Variants in TMC7 observed in about 807,000 individuals in gnomAD.
The protein encoded by TMC7 is transmembrane channel-like protein 7.
Under a neutral mutation model 82.9 loss-of-function variants are expected in TMC7, and 54 were observed. That is an observed-to-expected ratio of 0.65 (90% confidence interval 0.52 to 0.82). The LOEUF is 0.82. Ranked by LOEUF, TMC7 falls within the 40% of genes least tolerant of loss-of-function variation. TMC7 has a pLI of 0.00. For missense variants in TMC7, 820 were observed against 901.2 expected, an observed-to-expected ratio of 0.91 and a Z score of 1.15; for synonymous variants, 350 against 337.9, an observed-to-expected ratio of 1.04 and a Z score of -0.39.
chr16:18,993,997 G>A (rs2038995013), intron 1 of TMC7, among the ~76,000 whole-genome samples: 1 of 152,086 alleles, frequency 6.6e-6, no homozygotes, highest in Non-Finnish European at 1.5e-5. Context: ...GTAAGGAACA[G>A]GAAAGAAAGA....
chr16:19,024,184 A>G (rs1960116802), intron 5 of TMC7, among the ~76,000 whole-genome samples: 1 of 152,130 alleles, frequency 6.6e-6, no homozygotes, highest in South Asian at 2.1e-4. Flanking sequence ...TAACCCCAAC[A>G]CTTTGAGAGG....
At chr16:19,049,243 C>T (rs192511288) in intron 12 of TMC7, among the ~76,000 whole-genome samples, 2 of 152,110 alleles carry the variant, frequency 1.3e-5, no homozygotes, top group East Asian at 3.9e-4. Context: ...AGGCTGGTCT[C>T]CAACTCCTGG....
intron 11 of TMC7, 21 bp from the exon 12 acceptor site, chr16:19,047,042 A>C: frequency 6.3e-7 from 1 of 1,585,750 alleles, no homozygotes; most frequent in East Asian, 2.2e-5. Flanking sequence ...AGTAGCCCAA[A>C]TGAGAATTGT....
At chr16:19,047,305 G>C in intron 12 of TMC7, 56 bp downstream of exon 12, 1 of 1,525,388 alleles carries the variant, frequency 6.6e-7, no homozygotes, top group Admixed American at 1.8e-5. Flanking sequence ...GACCTTCCAG[G>C]GCACCAATAT....
chr16:19,038,568 G>A (rs1207603528), intron 8 of TMC7, among the ~76,000 whole-genome samples: 1 of 151,598 alleles, frequency 6.6e-6, no homozygotes, highest in Non-Finnish European at 1.5e-5. Context: ...TCAGGCTGAA[G>A]TGTGGTGGTG....
rs193244183 is a variant in TMC7, at chr16:19,042,606, C to T, written c.1337+2160C>T. Reference sequence around the variant, plus strand: ...CACTGCAAGCTCCGCCTCCCGGGTTCACGCCATTCTTCTGCCTCAGCCTCC... The same window carrying T: ...CACTGCAAGCTCCGCCTCCCGGGTTTACGCCATTCTTCTGCCTCAGCCTCC... On this transcript the variant is annotated intron_variant, in intron 9 of 15. Coordinates refer to ENST00000304381, the MANE Select transcript of TMC7 (RefSeq NM_024847.4). 5.2e-3 allele frequency among the ~76,000 whole-genome samples: 793 copies of T among 151,600 alleles called. 2 individuals are homozygous for T. Among genetic ancestry groups the T allele is most frequent in the Non-Finnish European group, 7.3e-3 (493 of 67,926 alleles).
chr16:19,050,109 T>C (rs913234961), intron 12 of TMC7, among the ~76,000 whole-genome samples: 2 of 151,970 alleles, frequency 1.3e-5, no homozygotes, highest in Non-Finnish European at 2.9e-5. Flanking sequence ...CGGTGGCTCA[T>C]GCCTGTAATC....
Position 19,044,871 on chromosome 16 carries a change from T to C in TMC7, c.1338-13T>C. 6.2e-7 allele frequency: 1 copy of C among 1,607,952 alleles called. No individual in the cohort carries two copies. On this transcript the variant is annotated splice_polypyrimidine_tract_variant and intron_variant, in intron 9 of 15. Coordinates refer to ENST00000304381, the MANE Select transcript of TMC7 (RefSeq NM_024847.4). ...GCCTCATCTTCCCATCCTCTCTCCT[T>C]CTCTCCCCGAAGGTGTGTCTTTATG...
At chr16:18,984,185 C>A in intron 1 of TMC7, 55 bp downstream of exon 1, 1 of 1,435,916 alleles carries the variant, frequency 7.0e-7, no homozygotes, top group Non-Finnish European at 9.1e-7. Context: ...CGAGGGCGCA[C>A]GGAGGGAGCC....
At chr16:19,059,346 G>T in intron 14 of TMC7, 70 bp from the exon 15 acceptor site, 7 of 1,573,444 alleles carry the variant, frequency 4.4e-6, no homozygotes, top group Non-Finnish European at 6.0e-6. Context: ...GGAAAAATAT[G>T]TTGGGTTATT....
intron 5 of TMC7, among the ~76,000 whole-genome samples, chr16:19,024,137 A>G (rs1183192028): frequency 6.6e-6 from 1 of 152,220 alleles, no homozygotes; most frequent in Admixed American, 6.5e-5. Context: ...CGCCTTCTAA[A>G]GAAATGATTT....
chr16:19,033,001 T>C (rs996375752), intron 6 of TMC7, among the ~76,000 whole-genome samples: 4 of 152,120 alleles, frequency 2.6e-5, no homozygotes, highest in Admixed American at 6.6e-5. Context: ...TTGATTGCTT[T>C]CTGGGGAAGG....
chr16:19,043,582 A>T (rs746898143), intron 9 of TMC7, among the ~76,000 whole-genome samples: 1 of 151,862 alleles, frequency 6.6e-6, no homozygotes, highest in Non-Finnish European at 1.5e-5. Flanking sequence ...TTATTTATTT[A>T]TTTCTGAGAT....
At chr16:19,052,950 T>G (rs1654486622) in intron 13 of TMC7, among the ~76,000 whole-genome samples, 1 of 152,236 alleles carries the variant, frequency 6.6e-6, no homozygotes, top group Non-Finnish European at 1.5e-5. Flanking sequence ...TGATCTCAAA[T>G]GATCCACCCA....
At chr16:19,021,902 G>C in intron 4 of TMC7, 106 bp downstream of exon 4, 2 of 1,343,156 alleles carry the variant, frequency 1.5e-6, no homozygotes, top group Non-Finnish European at 2.0e-6. Flanking sequence ...TTGGGCGACT[G>C]TATTAGTCAG....
chr16:18,990,266 C>T (rs543946454), intron 1 of TMC7, among the ~76,000 whole-genome samples: 69 of 152,238 alleles, frequency 4.5e-4, no homozygotes, highest in African/African-American at 1.6e-3. Flanking sequence ...TTTTGTGGAT[C>T]TTCAGTTACT....
intron 1 of TMC7, among the ~76,000 whole-genome samples, chr16:18,989,817 C>T (rs1410686730): frequency 8.6e-5 from 13 of 151,450 alleles, no homozygotes; most frequent in Admixed American, 7.2e-4. Context: ...CGGGGGGAGG[C>T]GACTCCTTTT....
chr16:19,010,483 T>C (rs1959262518), intron 2 of TMC7, among the ~76,000 whole-genome samples: 1 of 152,084 alleles, frequency 6.6e-6, no homozygotes, highest in South Asian at 2.1e-4. Flanking sequence ...CATAAAGTAC[T>C]AGGTTCAGGT....
chr16:19,055,842 G>A (rs1253837994), intron 13 of TMC7, among the ~76,000 whole-genome samples: 1 of 152,108 alleles, frequency 6.6e-6, no homozygotes, highest in South Asian at 2.1e-4. Context: ...CCCAGCATAC[G>A]TTAGCTATTT....
Sources: allele counts gnomAD v4.1 joint callset (sites outside exome capture counted in the v4.1 genomes callset), GRCh38; gene constraint gnomAD v4.1.1; transcripts MANE v1.5; gene names NCBI Gene and HGNC (gene_info 2026-07-23, HGNC 2026-07-21).